The following CSMD3 variants were observed in gnomAD, a reference collection of about 807,000 sequenced individuals.
CSMD3 encodes CUB and sushi domain-containing protein 3.
In CSMD3, 177 loss-of-function variants were observed where a neutral mutation model predicts 435.2. The ratio of observed to expected loss-of-function variants is 0.41; its 90% CI spans 0.36 to 0.46. The LOEUF (loss-of-function observed/expected upper bound fraction) is 0.46. Ranked by LOEUF, CSMD3 falls within the 20% of genes least tolerant of loss-of-function variation. The pLI, the probability that CSMD3 is intolerant of heterozygous loss-of-function variation, is 0.34. For synonymous variants in CSMD3, 1,656 were observed against 1,520.5 expected, an observed-to-expected ratio of 1.09 and a Z score of -2.07; for missense variants, 4,265 against 4,504.6, an observed-to-expected ratio of 0.95 and a Z score of 1.52.
chr8:112,867,092 G>A (rs1712931257), intron 10 of CSMD3, among the ~76,000 whole-genome samples: 1 of 152,092 alleles, frequency 6.6e-6, no homozygotes, highest in Non-Finnish European at 1.5e-5. Context: ...GGTACCTAAA[G>A]ATGGACAACT....
At chr8:113,230,690 C>T (rs911964789) in intron 3 of CSMD3, among the ~76,000 whole-genome samples, 5 of 151,548 alleles carry the variant, frequency 3.3e-5, no homozygotes, top group African/African-American at 9.7e-5. Context: ...TGTCTTAACA[C>T]TGACTCTCAG....
At chr8:113,201,717 C>T (rs2092717699) in intron 3 of CSMD3, among the ~76,000 whole-genome samples, 2 of 151,984 alleles carry the variant, frequency 1.3e-5, no homozygotes, top group East Asian at 1.9e-4. Context: ...AAATAAAAAT[C>T]GTATGCTGAT....
At chr8:112,603,346 A>C (rs574403763) in intron 22 of CSMD3, among the ~76,000 whole-genome samples, 1 of 152,366 alleles carries the variant, frequency 6.6e-6, no homozygotes, top group East Asian at 1.9e-4. Flanking sequence ...TGCACTATGC[A>C]GTTTACTGGA....
intron 10 of CSMD3, among the ~76,000 whole-genome samples, chr8:112,882,375 A>G (rs1346175581): frequency 6.6e-6 from 1 of 151,984 alleles, no homozygotes; most frequent in Non-Finnish European, 1.5e-5. Flanking sequence ...CCCACCCTTG[A>G]GAAAAATGCA....
chr8:112,555,021 T>A (rs1355853688), intron 25 of CSMD3, among the ~76,000 whole-genome samples: 2 of 151,934 alleles, frequency 1.3e-5, no homozygotes, highest in Admixed American at 6.6e-5. Flanking sequence ...TCTGTTATCA[T>A]CAAATTATTC....
At chr8:113,409,327 C>T (rs191293392) in intron 1 of CSMD3, among the ~76,000 whole-genome samples, 4 of 147,814 alleles carry the variant, frequency 2.7e-5, no homozygotes, top group Non-Finnish European at 4.4e-5. Flanking sequence ...TCGTGAAGCA[C>T]CCCTCTCGGC....
chr8:113,215,888 A>C (rs1257469691), intron 3 of CSMD3, among the ~76,000 whole-genome samples: 1 of 151,780 alleles, frequency 6.6e-6, no homozygotes, highest in Non-Finnish European at 1.5e-5. Flanking sequence ...TATATCAGTC[A>C]AGCTTGGCTT....
At chr8:112,280,565 A>T in intron 59 of CSMD3, among the ~76,000 whole-genome samples, 1 of 152,090 alleles carries the variant, frequency 6.6e-6, no homozygotes. Context: ...AAATAACCAT[A>T]ATTTCCAATG....
chr8:112,454,259 T>C (rs931677963), intron 32 of CSMD3, among the ~76,000 whole-genome samples: 4 of 152,026 alleles, frequency 2.6e-5, no homozygotes, highest in Admixed American at 2.0e-4. Flanking sequence ...AAGACGTAAT[T>C]AAACTAAAGA....
intron 2 of CSMD3, among the ~76,000 whole-genome samples, chr8:113,299,146 T>C (rs1334149962): frequency 6.6e-6 from 1 of 152,162 alleles, no homozygotes; most frequent in Non-Finnish European, 1.5e-5. Context: ...GTCTGTATGA[T>C]AAAGGATAAA....
intron 32 of CSMD3, among the ~76,000 whole-genome samples, chr8:112,409,332 C>T (rs1268182596): frequency 6.6e-6 from 1 of 151,908 alleles, no homozygotes; most frequent in East Asian, 1.9e-4. Flanking sequence ...ATGATTAATA[C>T]TTTATAGTAA....
Position 112,725,422 on chromosome 8 carries a change from T to C in CSMD3, c.1973-35372A>G, listed in dbSNP as rs188741572. Among the ~76,000 whole-genome samples the C allele has an allele frequency of 1.4e-3, 199 of 141,564 alleles. 1 individual carries two copies. Among genetic ancestry groups the C allele is most frequent in the African/African-American group, 5.0e-3 (191 of 38,234 alleles). 92.9% of individuals were successfully genotyped at this position (141,564 alleles called of 152,430 possible). On this transcript the variant is annotated intron_variant, in intron 13 of 70. Transcript: ENST00000297405. ...TAGATCTGGTAGTAGATATGGCATA[T>C]AGTTAATGTCATCTAAAATAAAATC...
chr8:112,573,987 G>A (rs1829741772), intron 23 of CSMD3, among the ~76,000 whole-genome samples: 1 of 151,840 alleles, frequency 6.6e-6, no homozygotes. Context: ...TCTAAAGTTG[G>A]TTACTTGGTT....
chr8:112,344,680 G>A lies in CSMD3; in HGVS notation c.6442+1417C>T, dbSNP rs117057833. ...CCCTCAATCAAGCACTTCTTTTAGT[G>A]CATTTATAAACTCATAGGATCTGCA... On this transcript the variant is annotated intron_variant, in intron 41 of 70. Coordinates refer to ENST00000297405, the MANE Select transcript of CSMD3 (RefSeq NM_198123.2). Among the ~76,000 whole-genome samples the A allele has an allele frequency of 7.0e-3, 1,069 of 152,120 alleles. 13 individuals carry two copies. The highest frequency in any genetic ancestry group is 0.018 in the South Asian group (87 of 4,816).
intron 25 of CSMD3, among the ~76,000 whole-genome samples, chr8:112,554,277 T>C (rs1005089430): frequency 6.1e-4 from 93 of 152,058 alleles, no homozygotes; most frequent in African/African-American, 2.2e-3. Flanking sequence ...CCCTGACTGA[T>C]ATACCCATGG....
chr8:112,949,126 A>G (rs1363016163), intron 8 of CSMD3, among the ~76,000 whole-genome samples: 1 of 152,050 alleles, frequency 6.6e-6, no homozygotes, highest in Non-Finnish European at 1.5e-5. Context: ...AAAATTGAGA[A>G]CCACTGGACT....
intron 9 of CSMD3, among the ~76,000 whole-genome samples, chr8:112,934,827 G>T (rs1414778736): frequency 2.0e-5 from 3 of 152,116 alleles, no homozygotes; most frequent in African/African-American, 7.2e-5. Context: ...TGTGAATCTA[G>T]ATGTATAGTG....
At chr8:112,756,897 T>G (rs1488589620) in intron 13 of CSMD3, among the ~76,000 whole-genome samples, 1 of 151,604 alleles carries the variant, frequency 6.6e-6, no homozygotes, top group Non-Finnish European at 1.5e-5. Flanking sequence ...ACCTCCCGAG[T>G]AGCTGGAACT....
chr8:113,286,610 ACTAT>A (rs2093648399), intron 2 of CSMD3, among the ~76,000 whole-genome samples: 2 of 152,066 alleles, frequency 1.3e-5, no homozygotes, highest in African/African-American at 2.4e-5. Context: ...TACCTGTCTC[ACTAT>A]CTAACTATGT....
Sources: gnomAD v4.1 joint callset for allele counts (sites outside exome capture counted in the v4.1 genomes callset) on GRCh38, gnomAD v4.1.1 for gene constraint, MANE v1.5 for transcripts, NCBI Gene and HGNC (gene_info 2026-07-23, HGNC 2026-07-21) for gene names.